Variants in WWOX observed in about 807,000 individuals in gnomAD.
WWOX encodes the protein WW domain containing oxidoreductase.
In WWOX, 69 loss-of-function variants were observed where a neutral mutation model predicts 46.2. That is an observed-to-expected ratio of 1.49 (90% CI 1.23 to 1.82). The LOEUF (loss-of-function observed/expected upper bound fraction) is 1.82. WWOX is among the 40% of genes most tolerant of loss of function. The pLI, the probability that WWOX is intolerant of heterozygous loss-of-function variation, is 0.00. For synonymous variants in WWOX, 359 were observed against 202.6 expected (o/e 1.77, Z -6.56); for missense variants, 919 against 542.6 (o/e 1.69, Z -6.89).
At position 78,476,914 on chromosome 16, in the gene WWOX, C is replaced by T. The variant is rs1481157186; in HGVS notation, c.1056+44162C>T. On this transcript the variant is annotated intron_variant, in intron 8 of 8. Transcript: ENST00000566780. ...CCTCCCTCTTCTCTCCCCTCTCCCCCTTCTCCTTTCCGTCCTTCCTCCTTC... is the reference window on the plus strand; with the variant it reads ...CCTCCCTCTTCTCTCCCCTCTCCCCTTTCTCCTTTCCGTCCTTCCTCCTTC... Among the ~76,000 whole-genome samples, 8 of 152,262 alleles carry T rather than the reference C, an allele frequency of 5.3e-5. 1 individual carries two copies. The highest frequency in any genetic ancestry group is 1.9e-4 in the African/African-American group (8 of 41,554).
intron 8 of WWOX, among the ~76,000 whole-genome samples, chr16:78,452,594 G>C (rs1463890543): frequency 6.7e-6 from 1 of 149,036 alleles, no homozygotes; most frequent in Non-Finnish European, 1.5e-5. Context: ...TCTTGCCTCA[G>C]CCTCCCGAGT....
intron 8 of WWOX, among the ~76,000 whole-genome samples, chr16:78,835,219 G>A (rs12932650): frequency 2.6e-5 from 4 of 151,888 alleles, no homozygotes; most frequent in Non-Finnish European, 5.9e-5. Flanking sequence ...TTACCACCTA[G>A]AAAACAAGTG....
At chr16:78,666,890 A>G (rs745412687) in intron 8 of WWOX, among the ~76,000 whole-genome samples, 37 of 152,212 alleles carry the variant, frequency 2.4e-4, no homozygotes, top group African/African-American at 7.2e-4. Flanking sequence ...AAATTCAGAC[A>G]TAAGTCAGAA....
At chr16:78,776,598 T>C (rs1567552350) in intron 8 of WWOX, among the ~76,000 whole-genome samples, 1 of 152,152 alleles carries the variant, frequency 6.6e-6, no homozygotes. Flanking sequence ...TGAGGATGGA[T>C]GTTTAGCTCA....
intron 5 of WWOX, among the ~76,000 whole-genome samples, chr16:78,336,689 G>A (rs34252671): frequency 6.6e-6 from 1 of 152,056 alleles, no homozygotes; most frequent in Non-Finnish European, 1.5e-5. Context: ...TAGACCCAGA[G>A]CTGCCATCTT....
rs1054121593 is a variant in WWOX, at chr16:79,061,327, G to T, written c.1057-150281G>T. Among the ~76,000 whole-genome samples, 74 of 152,166 alleles carry T rather than the reference G, an allele frequency of 4.9e-4. 4 individuals carry two copies. Among genetic ancestry groups the T allele is most frequent in the Non-Finnish European group, 3.8e-4 (26 of 68,040 alleles). ...TATTATATTAGCCCGGCACTGACTGGTGATGAATTACAAGATTACTCCCGT... is the reference window on the plus strand; with the variant it reads ...TATTATATTAGCCCGGCACTGACTGTTGATGAATTACAAGATTACTCCCGT... On this transcript the variant is annotated intron_variant, in intron 8 of 8. Transcript: ENST00000566780.
chr16:78,261,893 A>G (rs1290751162), intron 5 of WWOX, among the ~76,000 whole-genome samples: 1 of 150,100 alleles, frequency 6.7e-6, no homozygotes, highest in Non-Finnish European at 1.5e-5. Flanking sequence ...ACTTGCATTA[A>G]GAAATTGACT....
chr16:78,147,333 A>C (rs1223019796), intron 4 of WWOX, among the ~76,000 whole-genome samples: 1 of 152,094 alleles, frequency 6.6e-6, no homozygotes, highest in African/African-American at 2.4e-5. Context: ...TTGGAGTTGG[A>C]GGAGTCATTG....
chr16:78,579,894 C>T (rs186812648), intron 8 of WWOX, among the ~76,000 whole-genome samples: 2 of 152,152 alleles, frequency 1.3e-5, no homozygotes, highest in African/African-American at 4.8e-5. Flanking sequence ...AGCAAAGTGT[C>T]TCTGCATTTC....
intron 5 of WWOX, among the ~76,000 whole-genome samples, chr16:78,266,310 A>T (rs2079361557): frequency 6.6e-6 from 1 of 152,232 alleles, no homozygotes; most frequent in African/African-American, 2.4e-5. Context: ...GAGAGATCTG[A>T]AGTAGTTTTA....
chr16:79,188,318 T>G (rs1302334320), intron 8 of WWOX, among the ~76,000 whole-genome samples: 1 of 152,234 alleles, frequency 6.6e-6, no homozygotes, highest in Admixed American at 6.5e-5. Context: ...TTTGTGGTTT[T>G]AGACACAGCT....
intron 8 of WWOX, among the ~76,000 whole-genome samples, chr16:78,802,012 C>T (rs1011267763): frequency 2.6e-5 from 4 of 152,072 alleles, no homozygotes; most frequent in African/African-American, 7.2e-5. Context: ...AAGGGCCTAT[C>T]CCAGAGGCTG....
chr16:78,628,370 C>G (rs1422784149), intron 8 of WWOX, among the ~76,000 whole-genome samples: 6 of 152,130 alleles, frequency 3.9e-5, no homozygotes, highest in African/African-American at 9.7e-5. Flanking sequence ...TATACATTCC[C>G]AAGCCCCGTG....
At chr16:79,178,384 A>C (rs1351272158) in intron 8 of WWOX, among the ~76,000 whole-genome samples, 1 of 152,076 alleles carries the variant, frequency 6.6e-6, no homozygotes, top group African/African-American at 2.4e-5. Flanking sequence ...TGGTGCGGTC[A>C]CAGCTCACTA....
chr16:79,139,592 C>T lies in WWOX; in HGVS notation c.1057-72016C>T, dbSNP rs544188211. ...ACGTGGGCTTTTTCTTTTTTCTTTT[C>T]TTTTTCTTTCTTTCTTTCTTTTCTT... On this transcript the variant is annotated intron_variant, in intron 8 of 8. Coordinates refer to ENST00000566780, the MANE Select transcript of WWOX (RefSeq NM_016373.4). 1.4e-3 allele frequency among the ~76,000 whole-genome samples: 218 copies of T among 151,950 alleles called. 2 individuals are homozygous for T. Among genetic ancestry groups the T allele is most frequent in the African/African-American group, 2.8e-3 (118 of 41,414 alleles).
chr16:78,661,863 C>G (rs2047221786), intron 8 of WWOX, among the ~76,000 whole-genome samples: 1 of 152,172 alleles, frequency 6.6e-6, no homozygotes, highest in Admixed American at 6.5e-5. Context: ...CAGCCTGAGG[C>G]AAAACCTCAT....
At chr16:79,144,388 A>C (rs755110464) in intron 8 of WWOX, among the ~76,000 whole-genome samples, 7 of 152,244 alleles carry the variant, frequency 4.6e-5, no homozygotes, top group Non-Finnish European at 4.4e-5. Context: ...ACGAATGCCC[A>C]GCACTTCTCA....
chr16:78,615,744 A>AATAG (rs1020414981), intron 8 of WWOX, among the ~76,000 whole-genome samples: 9 of 151,906 alleles, frequency 5.9e-5, no homozygotes, highest in Admixed American at 5.3e-4. Context: ...TTAGGAAATC[A>AATAG]ATAGGATAAT....
chr16:78,436,881 A>G (rs1360410966), intron 8 of WWOX, among the ~76,000 whole-genome samples: 2 of 152,224 alleles, frequency 1.3e-5, no homozygotes, highest in Non-Finnish European at 2.9e-5. Flanking sequence ...CAAAGGGTGC[A>G]TTTCTGCTAT....
Sources: gnomAD v4.1 joint callset for allele counts (sites outside exome capture counted in the v4.1 genomes callset) on GRCh38, gnomAD v4.1.1 for gene constraint, MANE v1.5 for transcripts, NCBI Gene and HGNC (gene_info 2026-07-23, HGNC 2026-07-21) for gene names.